Variants in CTNNA3 observed in about 807,000 individuals in gnomAD.
CTNNA3 encodes the protein catenin alpha 3.
Under a neutral mutation model 95.7 loss-of-function variants are expected in CTNNA3, and 76 were observed. The observed-to-expected ratio is 0.79, with a 90% CI of 0.66 to 0.96. The LOEUF (loss-of-function observed/expected upper bound fraction) is 0.96, where lower values mean the gene tolerates loss of function less well. CTNNA3 is among the 40% of genes least tolerant of loss of function. The probability of loss-of-function intolerance (pLI) is 0.00; values close to 1 mark genes in which losing one functional copy is unlikely to be tolerated. For synonymous variants in CTNNA3, 431 were observed against 374.4 expected (o/e 1.15, Z -1.74); for missense variants, 1,191 against 1,089.8 (o/e 1.09, Z -1.31).
At chr10:66,225,390 A>AATAT (rs3053735) in intron 13 of CTNNA3, among the ~76,000 whole-genome samples, 8,522 of 125,638 alleles carry the variant, frequency 0.068, 308 homozygotes, top group African/African-American at 0.071. Context: ...ATTTTATTCA[A>AATAT]ATATATATAT....
intron 7 of CTNNA3, among the ~76,000 whole-genome samples, chr10:66,812,933 G>C (rs773540359): frequency 5.9e-5 from 9 of 151,960 alleles, no homozygotes; most frequent in Non-Finnish European, 1.3e-4. Flanking sequence ...CATAACTTTT[G>C]TTTTCTCTCA....
At position 66,866,676 on chromosome 10, in the gene CTNNA3, G is replaced by A. The variant is rs115474330; in HGVS notation, c.1048-91152C>T. On this transcript the variant is annotated intron_variant, in intron 7 of 17. Transcript: ENST00000433211. ...TTGTAGGGTATTGGGTAGGAGCCACGAGGTATTATAAATTTTCTGGCACTC... is the reference window on the plus strand; with the variant it reads ...TTGTAGGGTATTGGGTAGGAGCCACAAGGTATTATAAATTTTCTGGCACTC... 8.2e-3 allele frequency among the ~76,000 whole-genome samples: 1,247 copies of A among 152,204 alleles called. 20 individuals carry two copies. Among genetic ancestry groups the A allele is most frequent in the African/African-American group, 0.028 (1,162 of 41,522 alleles).
chr10:67,705,696 T>A (rs1270265485), intron 1 of CTNNA3, among the ~76,000 whole-genome samples: 2 of 146,290 alleles, frequency 1.4e-5, no homozygotes, highest in Non-Finnish European at 3.0e-5. Context: ...AGTTAATGGG[T>A]GCAGCACACC....
rs112963546 is a variant in CTNNA3 at position 66,644,306 on chromosome 10, C to CTA, written c.1282-22524_1282-22523dup. 1.2e-3 allele frequency among the ~76,000 whole-genome samples: 125 copies of CTA among 107,382 alleles called. 1 individual carries two copies. The highest frequency in any genetic ancestry group is 3.4e-3 in the South Asian group (12 of 3,488). 70.4% of individuals were successfully genotyped at this position (107,382 alleles called of 152,430 possible). ...TCTGTCTGTCTGTCTCTCTCTCTCT[C>CTA]TATATATATATATATATAAAATAAT... On this transcript the variant is annotated intron_variant, in intron 9 of 17. Transcript: ENST00000433211.
chr10:66,665,682 C>T (rs1406126389), intron 9 of CTNNA3, among the ~76,000 whole-genome samples: 4 of 152,130 alleles, frequency 2.6e-5, no homozygotes, highest in Non-Finnish European at 5.9e-5. Context: ...GATTTAAAGG[C>T]CTGATGTTCT....
At chr10:67,737,127 C>T (rs564591966) in intron 1 of CTNNA3, among the ~76,000 whole-genome samples, 6 of 151,898 alleles carry the variant, frequency 4.0e-5, no homozygotes, top group Non-Finnish European at 7.4e-5. Flanking sequence ...CCACACCGGG[C>T]TAATTTCAAG....
At chr10:67,492,418 C>T (rs1838878394) in intron 5 of CTNNA3, among the ~76,000 whole-genome samples, 1 of 152,150 alleles carries the variant, frequency 6.6e-6, no homozygotes, top group African/African-American at 2.4e-5. Context: ...ATACAAACCT[C>T]TCCTTAGAAA....
At chr10:66,669,764 A>G (rs1413020762) in intron 9 of CTNNA3, among the ~76,000 whole-genome samples, 1 of 152,084 alleles carries the variant, frequency 6.6e-6, no homozygotes, top group Non-Finnish European at 1.5e-5. Flanking sequence ...GCTTTGATAA[A>G]ATCTATTGAG....
chr10:66,225,390 AATAT>A (rs3053735), intron 13 of CTNNA3, among the ~76,000 whole-genome samples: 39,597 of 125,704 alleles, frequency 0.32, 6,430 homozygotes, highest in East Asian at 0.38. Context: ...ATTTTATTCA[AATAT>A]ATATATATAT....
intron 13 of CTNNA3, among the ~76,000 whole-genome samples, chr10:66,182,740 TA>T (rs34009201): frequency 0.36 from 55,380 of 151,744 alleles, 10,498 homozygotes; most frequent in South Asian, 0.5. Flanking sequence ...GATTTTTTTT[TA>T]AAAGAAATAA....
At chr10:65,929,976 T>A (rs1386431969) in intron 17 of CTNNA3, among the ~76,000 whole-genome samples, 3 of 151,816 alleles carry the variant, frequency 2.0e-5, no homozygotes, top group Non-Finnish European at 4.4e-5. Flanking sequence ...CGGTTGAAAA[T>A]CCAGAAACAG....
chr10:66,281,251 G>A (rs2091486670), intron 12 of CTNNA3, among the ~76,000 whole-genome samples: 3 of 151,884 alleles, frequency 2.0e-5, no homozygotes, highest in African/African-American at 7.2e-5. Context: ...GCTTCTATCA[G>A]TAAGCCAATC....
intron 5 of CTNNA3, among the ~76,000 whole-genome samples, chr10:67,275,964 A>C (rs1229390584): frequency 1.3e-5 from 2 of 152,172 alleles, no homozygotes; most frequent in Non-Finnish European, 2.9e-5. Flanking sequence ...GCATAGTTGG[A>C]AAATCACTTC....
At chr10:66,232,552 G>A (rs931940237) in intron 13 of CTNNA3, among the ~76,000 whole-genome samples, 9 of 152,062 alleles carry the variant, frequency 5.9e-5, no homozygotes, top group African/African-American at 2.2e-4. Flanking sequence ...GGACTTTTCT[G>A]TGCAAATTTA....
chr10:67,188,867 T>G (rs1862988105), intron 6 of CTNNA3, among the ~76,000 whole-genome samples: 2 of 152,222 alleles, frequency 1.3e-5, no homozygotes, highest in Non-Finnish European at 2.9e-5. Context: ...TGCAACATTT[T>G]GGGAGGCTGA....
In CTNNA3 at chr10:65,947,945, G is replaced by C. The variant is rs146254030; in HGVS notation, c.2400+18667C>G. Among the ~76,000 whole-genome samples the C allele has an allele frequency of 7.2e-5, 11 of 152,280 alleles. No homozygotes were observed. The East Asian group carries it at 2.1e-3, about 29-fold the overall frequency. On this transcript the variant is annotated intron_variant, in intron 17 of 17. Transcript: ENST00000433211. Reference sequence around the variant, plus strand: ...AGTATAAGTGAGGGTCCTAAAACTTGCATGAGACAAAGTCAATTTTGTAGT... The same window carrying C: ...AGTATAAGTGAGGGTCCTAAAACTTCCATGAGACAAAGTCAATTTTGTAGT...
intron 5 of CTNNA3, among the ~76,000 whole-genome samples, chr10:67,373,661 G>C (rs775701614): frequency 9.2e-5 from 14 of 152,112 alleles, no homozygotes; most frequent in Non-Finnish European, 1.6e-4. Flanking sequence ...ACAATGTTAA[G>C]TGAAAAAAAG....
intron 7 of CTNNA3, among the ~76,000 whole-genome samples, chr10:66,859,910 G>T (rs1413003614): frequency 7.7e-6 from 1 of 130,662 alleles, no homozygotes; most frequent in African/African-American, 3.0e-5. Flanking sequence ...GTAAACTATC[G>T]CAAGGACAAA....
chr10:67,031,008 AAAAT>A (rs1188848880), intron 7 of CTNNA3, among the ~76,000 whole-genome samples: 1 of 152,126 alleles, frequency 6.6e-6, no homozygotes, highest in Non-Finnish European at 1.5e-5. Context: ...CCGTCTCAAA[AAAAT>A]AAATAAATAA....
Sources: gnomAD v4.1 joint callset for allele counts (sites outside exome capture counted in the v4.1 genomes callset) on GRCh38, gnomAD v4.1.1 for gene constraint, MANE v1.5 for transcripts, NCBI Gene and HGNC (gene_info 2026-07-23, HGNC 2026-07-21) for gene names.